Variants in CTNNA3 observed in about 807,000 individuals in gnomAD.
CTNNA3 encodes the protein catenin alpha 3, also known as catenin alpha-3.
CTNNA3 carries 76 observed loss-of-function variants against 95.7 expected under a neutral mutation model. That is an observed-to-expected ratio of 0.79 (90% CI 0.66 to 0.96). CTNNA3 has a LOEUF of 0.96. Ranked by LOEUF, CTNNA3 falls within the 40% of genes least tolerant of loss-of-function variation. The probability of loss-of-function intolerance (pLI) is 0.00; values close to 1 mark genes in which losing one functional copy is unlikely to be tolerated. For synonymous variants in CTNNA3, 431 were observed against 374.4 expected (o/e 1.15, Z -1.74); for missense variants, 1,191 against 1,089.8 (o/e 1.09, Z -1.31).
intron 11 of CTNNA3, among the ~76,000 whole-genome samples, chr10:66,465,177 A>G (rs1451425418): frequency 6.6e-6 from 1 of 152,154 alleles, no homozygotes; most frequent in East Asian, 1.9e-4. Context: ...AACCACACAT[A>G]GAACATAGTG....
At chr10:67,531,910 T>C (rs1004984743) in intron 4 of CTNNA3, among the ~76,000 whole-genome samples, 1 of 152,098 alleles carries the variant, frequency 6.6e-6, no homozygotes, top group African/African-American at 2.4e-5. Flanking sequence ...GGAGATCTGA[T>C]GGTTTTAAAA....
intron 9 of CTNNA3, among the ~76,000 whole-genome samples, chr10:66,654,403 C>G (rs1846007196): frequency 6.6e-6 from 1 of 152,008 alleles, no homozygotes; most frequent in South Asian, 2.1e-4. Context: ...CTGCAATGAG[C>G]TATATCACCT....
At chr10:66,389,958 C>A (rs59620788) in intron 11 of CTNNA3, among the ~76,000 whole-genome samples, 24,577 of 152,008 alleles carry the variant, frequency 0.16, 2,726 homozygotes, top group East Asian at 0.45. Context: ...CTGATATCGA[C>A]CTCCTCGCCT....
chr10:67,663,008 T>C (rs894282993), intron 1 of CTNNA3, among the ~76,000 whole-genome samples: 125 of 152,322 alleles, frequency 8.2e-4, no homozygotes, highest in African/African-American at 2.8e-3. Flanking sequence ...CTTCCTTAAG[T>C]TCTCTGAATT....
chr10:66,803,817 G>A (rs1841530255), intron 7 of CTNNA3, among the ~76,000 whole-genome samples: 1 of 151,950 alleles, frequency 6.6e-6, no homozygotes, highest in African/African-American at 2.4e-5. Flanking sequence ...TAATCACTAA[G>A]TAGGATTAAC....
At chr10:67,652,734 C>A (rs956953022) in intron 1 of CTNNA3, among the ~76,000 whole-genome samples, 13 of 151,646 alleles carry the variant, frequency 8.6e-5, no homozygotes, top group African/African-American at 2.9e-4. Flanking sequence ...ATTCAATTCC[C>A]TTAATCTTTG....
intron 11 of CTNNA3, among the ~76,000 whole-genome samples, chr10:66,515,345 C>CTCTATATATA (rs558913767): frequency 1.3e-5 from 2 of 148,894 alleles, no homozygotes; most frequent in Non-Finnish European, 1.5e-5. Flanking sequence ...CTCTCTCTCT[C>CTCTATATATA]TATATATATA....
At chr10:66,086,180 T>C (rs1261779059) in intron 14 of CTNNA3, among the ~76,000 whole-genome samples, 1 of 152,058 alleles carries the variant, frequency 6.6e-6, no homozygotes, top group African/African-American at 2.4e-5. Flanking sequence ...GACCCTCTGC[T>C]CAAGAGGCAG....
intron 7 of CTNNA3, among the ~76,000 whole-genome samples, chr10:67,053,477 T>A (rs1418321020): frequency 2.0e-5 from 3 of 152,214 alleles, no homozygotes; most frequent in African/African-American, 7.2e-5. Flanking sequence ...TTTGCCAGGC[T>A]GCCCATCAGT....
intron 7 of CTNNA3, among the ~76,000 whole-genome samples, chr10:66,924,751 T>G (rs938125400): frequency 6.6e-6 from 1 of 152,248 alleles, no homozygotes; most frequent in Non-Finnish European, 1.5e-5. Context: ...TGCAACACAC[T>G]GTTCTAAGTA....
intron 7 of CTNNA3, among the ~76,000 whole-genome samples, chr10:66,918,371 C>A (rs748564062): frequency 6.6e-6 from 1 of 152,146 alleles, no homozygotes; most frequent in African/African-American, 2.4e-5. Context: ...AGTAGAAGTA[C>A]AACTTTACTC....
intron 13 of CTNNA3, among the ~76,000 whole-genome samples, chr10:66,199,792 T>TAC (rs1564756216): frequency 0.011 from 185 of 16,246 alleles, 2 homozygotes; most frequent in Non-Finnish European, 0.019. Context: ...TATATATATA[T>TAC]ATATATATAT....
intron 11 of CTNNA3, among the ~76,000 whole-genome samples, chr10:66,458,253 T>C (rs957431692): frequency 2.0e-5 from 3 of 152,154 alleles, no homozygotes; most frequent in African/African-American, 2.4e-5. Context: ...TTTTGGTACA[T>C]TCATATCATG....
intron 7 of CTNNA3, among the ~76,000 whole-genome samples, chr10:66,788,722 TA>T (rs369267875): frequency 5.4e-4 from 81 of 148,662 alleles, no homozygotes; most frequent in Non-Finnish European, 9.7e-4. Context: ...CATTACAGGT[TA>T]AAAAAAAAAG....
At chr10:67,569,269 C>T (rs920855539) in intron 3 of CTNNA3, among the ~76,000 whole-genome samples, 2 of 152,060 alleles carry the variant, frequency 1.3e-5, no homozygotes, top group African/African-American at 4.8e-5. Flanking sequence ...ATGAGGTGTG[C>T]GGATGATTGG....
At chr10:67,629,059 C>T (rs1287236136) in intron 2 of CTNNA3, among the ~76,000 whole-genome samples, 4 of 151,026 alleles carry the variant, frequency 2.6e-5, no homozygotes, top group Non-Finnish European at 5.9e-5. Context: ...TCAAGCAGAA[C>T]AATAATTAAT....
intron 3 of CTNNA3, among the ~76,000 whole-genome samples, chr10:67,552,434 C>G (rs1051397674): frequency 6.6e-6 from 1 of 151,622 alleles, no homozygotes; most frequent in African/African-American, 2.4e-5. Flanking sequence ...TCGACGCCCT[C>G]TCAATGTTCA....
chr10:67,536,178 C>A (rs533912414), intron 4 of CTNNA3, among the ~76,000 whole-genome samples: 4 of 152,102 alleles, frequency 2.6e-5, no homozygotes, highest in Non-Finnish European at 4.4e-5. Flanking sequence ...TAAAGAACAT[C>A]CAAAAGTCAA....
chr10:65,975,001 G>A (rs900681432), intron 16 of CTNNA3, among the ~76,000 whole-genome samples: 12 of 152,106 alleles, frequency 7.9e-5, no homozygotes, highest in African/African-American at 2.9e-4. Context: ...CTTTTATTCA[G>A]TAATTAATAA....
Sources: allele counts gnomAD v4.1 joint callset (sites outside exome capture counted in the v4.1 genomes callset), GRCh38; gene constraint gnomAD v4.1.1; transcripts MANE v1.5; gene names NCBI Gene and HGNC (gene_info 2026-07-23, HGNC 2026-07-21).